TNS1: variants seen among roughly 807,000 people sequenced by gnomAD.
TNS1 encodes tensin 1.
Under a neutral mutation model 168.6 loss-of-function variants are expected in TNS1, and 62 were observed. The ratio of observed to expected loss-of-function variants is 0.37; its 90% confidence interval spans 0.30 to 0.45. The LOEUF is 0.45. Among genes scored for constraint, TNS1 ranks in the 20% least tolerant of loss-of-function variants. The pLI, the probability that TNS1 is intolerant of heterozygous loss-of-function variation, is 1.00. For missense variants in TNS1, 2,240 were observed against 2,339.4 expected (o/e 0.96, Z 0.88); for synonymous variants, 934 against 933.2 (o/e 1.00, Z -0.02).
At chr2:217,996,701 C>A (rs1369675911) in intron 1 of TNS1, among the ~76,000 whole-genome samples, 4 of 152,056 alleles carry the variant, frequency 2.6e-5, no homozygotes, top group Non-Finnish European at 5.9e-5. Context: ...CTATATCAGG[C>A]CTTGGCACTT....
At chr2:217,909,783 C>T (rs1313662736) in intron 4 of TNS1, among the ~76,000 whole-genome samples, 9 of 152,140 alleles carry the variant, frequency 5.9e-5, no homozygotes, top group Non-Finnish European at 1.2e-4. Flanking sequence ...TGACTGCTCC[C>T]TAAAAGGCCT....
chr2:217,896,801 T>C (rs575411560), intron 8 of TNS1, among the ~76,000 whole-genome samples: 2 of 152,352 alleles, frequency 1.3e-5, no homozygotes, highest in Admixed American at 6.5e-5. Context: ...AACTTGCATA[T>C]AAAAAATGTA....
chr2:218,025,127 C>T (rs2106012481), intron 1 of TNS1, among the ~76,000 whole-genome samples: 1 of 152,334 alleles, frequency 6.6e-6, no homozygotes, highest in South Asian at 2.1e-4. Flanking sequence ...CTCTGACTCC[C>T]TGGACCAAAG....
chr2:217,835,815 T>A (rs1945086360), intron 20 of TNS1, among the ~76,000 whole-genome samples, 200 bp downstream of exon 20: 4 of 152,166 alleles, frequency 2.6e-5, no homozygotes, highest in South Asian at 4.1e-4. Flanking sequence ...ATCTCAATAT[T>A]AATGCAAGAA....
intron 6 of TNS1, chr2:217,901,628 C>G (rs1331497329): frequency 6.6e-6 from 1 of 152,166 alleles, no homozygotes; most frequent in Non-Finnish European, 1.5e-5. Flanking sequence ...CTTTTCCTAC[C>G]GCCAAGTTGC....
intron 18 of TNS1, among the ~76,000 whole-genome samples, chr2:217,871,790 C>A (rs563517181): frequency 6.6e-6 from 1 of 152,252 alleles, no homozygotes; most frequent in African/African-American, 2.4e-5. Context: ...TACACAGGCC[C>A]GGGGCTGGCT....
chr2:217,953,860 A>G (rs937682317), intron 3 of TNS1, among the ~76,000 whole-genome samples: 2 of 152,202 alleles, frequency 1.3e-5, no homozygotes, highest in African/African-American at 2.4e-5. Context: ...GCATGGCAAA[A>G]GCAGGTGTGA....
intron 1 of TNS1, among the ~76,000 whole-genome samples, chr2:218,001,327 T>A (rs189321177): frequency 1.2e-4 from 18 of 152,170 alleles, no homozygotes; most frequent in African/African-American, 4.1e-4. Flanking sequence ...TCCCTACCTC[T>A]CTGTACCCTG....
In TNS1 at chr2:217,920,256, C is replaced by T. The variant is rs11883660; in HGVS notation, c.187-20G>A. 4.8e-3 allele frequency: 3,403 copies of T among 702,938 alleles called. 77 individuals are homozygous for T. In the African/African-American group the frequency reaches 0.051, roughly 10 times the overall value. 43.5% of individuals were successfully genotyped at this position (702,938 alleles called of 1,614,324 possible). On this transcript the variant is annotated intron_variant, in intron 3 of 32. Transcript: ENST00000682258. ...AGCCACCTGTGGAAGGAACAGAGAA[C>T]GGGCAGGTGAGCATATCTTGTCTCT...
At chr2:217,915,163 C>A (rs1214379180) in intron 4 of TNS1, among the ~76,000 whole-genome samples, 3 of 152,172 alleles carry the variant, frequency 2.0e-5, no homozygotes, top group Non-Finnish European at 2.9e-5. Context: ...GGAGTTCAGG[C>A]TGACTGAAGT....
At chr2:217,858,822 T>C (rs1299342248) in intron 18 of TNS1, among the ~76,000 whole-genome samples, 1 of 151,978 alleles carries the variant, frequency 6.6e-6, no homozygotes, top group Non-Finnish European at 1.5e-5. Context: ...GCCAGCTGGG[T>C]CCCCAGGGCT....
At chr2:217,927,601 G>C (rs1051131051) in intron 3 of TNS1, among the ~76,000 whole-genome samples, 1 of 152,120 alleles carries the variant, frequency 6.6e-6, no homozygotes, top group Non-Finnish European at 1.5e-5. Flanking sequence ...AGGAGAAAGT[G>C]GGGGAGAAGA....
At chr2:217,890,707 T>C in intron 12 of TNS1, 4 of 545,336 alleles carry the variant, frequency 7.3e-6, no homozygotes, top group Non-Finnish European at 1.3e-5. Context: ...TGCTTCCCCA[T>C]GAAGGTTGCA....
chr2:217,819,770 T>C (rs1165086511), intron 23 of TNS1, among the ~76,000 whole-genome samples: 1 of 152,102 alleles, frequency 6.6e-6, no homozygotes, highest in African/African-American at 2.4e-5. Flanking sequence ...GAAACAAAGG[T>C]TGACAGGGGC....
At chr2:217,858,089 G>C (rs1948370718) in intron 18 of TNS1, among the ~76,000 whole-genome samples, 1 of 152,078 alleles carries the variant, frequency 6.6e-6, no homozygotes, top group African/African-American at 2.4e-5. Context: ...GCAGGGAGGG[G>C]GCGTCCTGAA....
rs941275950 is a variant in TNS1 at position 217,978,745 on chromosome 2, G to T, written c.186+20C>A. 6 of 701,048 alleles carry T rather than the reference G, an allele frequency of 8.6e-6. No homozygotes were observed. Among genetic ancestry groups the T allele is most frequent in the Non-Finnish European group, 1.6e-5 (6 of 384,010 alleles). The allele number at this position is 701,048 out of a possible 1,614,324, so 43.4% of individuals were successfully genotyped here. A position where few individuals can be genotyped will look rare whatever the true frequency, so the allele number is the denominator to read the frequency against. On this transcript the variant is annotated intron_variant, in intron 3 of 32. Transcript: ENST00000682258. ...GCCTGTCCCAAGTCCTCCCGGGCCCGCCAGCCCGCGGCCCCTTACCTTGGC... is the reference window on the plus strand; with the variant it reads ...GCCTGTCCCAAGTCCTCCCGGGCCCTCCAGCCCGCGGCCCCTTACCTTGGC...
chr2:217,856,796 T>C (rs1176679481), intron 18 of TNS1, among the ~76,000 whole-genome samples: 1 of 152,094 alleles, frequency 6.6e-6, no homozygotes, highest in Non-Finnish European at 1.5e-5. Context: ...GAGTGACAAA[T>C]AGACACCTGT....
At chr2:217,988,254 T>G (rs1423345561) in intron 2 of TNS1, among the ~76,000 whole-genome samples, 3 of 152,136 alleles carry the variant, frequency 2.0e-5, no homozygotes, top group African/African-American at 7.2e-5. Flanking sequence ...AGGGCCAGGC[T>G]GAGATCTAGG....
chr2:217,829,483 A>C (rs1392488595), intron 22 of TNS1, among the ~76,000 whole-genome samples: 2 of 152,180 alleles, frequency 1.3e-5, no homozygotes, highest in Non-Finnish European at 2.9e-5. Context: ...GGGAAAGGGG[A>C]TCTGAGTCCC....
Sources: allele counts gnomAD v4.1 joint callset (sites outside exome capture counted in the v4.1 genomes callset), GRCh38; gene constraint gnomAD v4.1.1; transcripts MANE v1.5; gene names NCBI Gene and HGNC (gene_info 2026-07-23, HGNC 2026-07-21).